Variants in PCM1 observed in about 807,000 individuals in gnomAD.
PCM1 encodes the protein pericentriolar material 1.
PCM1 carries 157 observed loss-of-function variants against 241.9 expected under a neutral mutation model. That is an observed-to-expected ratio of 0.65 (90% CI 0.57 to 0.74). The LOEUF is 0.74. Among genes scored for constraint, PCM1 ranks in the 30% least tolerant of loss-of-function variants. The pLI is 0.00. For synonymous variants in PCM1, 1,085 were observed against 784.9 expected (o/e 1.38, Z -6.39); for missense variants, 3,478 against 2,360.1 (o/e 1.47, Z -9.81).
Position 17,957,718 on chromosome 8 carries a change from A to G in PCM1, c.1983A>G (p.Arg661=), listed in dbSNP as rs755040975. The change falls in exon 13 of 39, where the codon CGA becomes CGG. Residue 661 remains arginine (R), a synonymous_variant. Transcript: ENST00000325083. ...CTGAATTTGAACAGAAGATCAACCG[A>G]CTTATGGCTGCAAAACAGAAACTTA... ...EDAEFEQKIN[R]LMAAKQKLRQ... 6.2e-7 allele frequency: 1 copy of G among 1,613,698 alleles called. No homozygotes were observed. The highest frequency in any genetic ancestry group is 2.2e-5 in the East Asian group (1 of 44,870).
At chr8:17,998,651 C>T (rs935927739) in intron 29 of PCM1, among the ~76,000 whole-genome samples, 4 of 152,162 alleles carry the variant, frequency 2.6e-5, no homozygotes, top group Non-Finnish European at 5.9e-5. Flanking sequence ...TGCCCAAGAC[C>T]CTCTGTAACC....
Position 17,928,654 on chromosome 8 carries a change from C to T in PCM1, c.-23+3874C>T, listed in dbSNP as rs1377688782. On this transcript the variant is annotated intron_variant, in intron 2 of 38. Transcript: ENST00000325083. ...TTTTTTTTTTTTTTTTAAAGTGAGG[C>T]GGAGTTTCTCTCTTGTTGCCCAGGC... Among the ~76,000 whole-genome samples the T allele has an allele frequency of 1.1e-4, 12 of 104,418 alleles. No homozygotes were observed. The Admixed American group carries it at 1.3e-3, about 12-fold the overall frequency. The allele number at this position is 104,418 out of a possible 152,430, so 68.5% of individuals were successfully genotyped here. A position where few individuals can be genotyped will look rare whatever the true frequency, so the allele number is the denominator to read the frequency against.
intron 16 of PCM1, among the ~76,000 whole-genome samples, chr8:17,962,668 A>G (rs572900744): frequency 6.6e-6 from 1 of 152,212 alleles, no homozygotes; most frequent in African/African-American, 2.4e-5. Flanking sequence ...TGGGAGGCTG[A>G]GGTGGGCAGA....
intron 23 of PCM1, among the ~76,000 whole-genome samples, chr8:17,975,418 C>T (rs2078400010): frequency 6.6e-6 from 1 of 152,120 alleles, no homozygotes; most frequent in South Asian, 2.1e-4. Context: ...CCCCATTGGC[C>T]TCCGGAAGTG....
chr8:18,018,826 G>GTGTA lies in PCM1; in HGVS notation c.5841+3987_5841+3988insGTAT, dbSNP rs1554778162. ...TTCCGTCTCAAAAAAAAAAAAATATGTATATATATATATGTGTGTGTGTGT... is the reference window on the plus strand; with the variant it reads ...TTCCGTCTCAAAAAAAAAAAAATATGTGTATATATATATATATGTGTGTGTGTGT... On this transcript the variant is annotated intron_variant, in intron 36 of 38. Coordinates refer to ENST00000325083, the MANE Select transcript of PCM1 (RefSeq NM_006197.4). Among the ~76,000 whole-genome samples the GTGTA allele has an allele frequency of 1.5e-3, 133 of 90,836 alleles. 1 individual carries two copies. The highest frequency in any genetic ancestry group is 4.8e-3 in the African/African-American group (107 of 22,172). 59.6% of individuals were successfully genotyped at this position (90,836 alleles called of 152,430 possible).
intron 6 of PCM1, among the ~76,000 whole-genome samples, chr8:17,943,375 C>G (rs140642069): frequency 6.6e-6 from 1 of 152,092 alleles, no homozygotes; most frequent in South Asian, 2.1e-4. Flanking sequence ...AATAAAGTAG[C>G]TGATTATTTT....
At chr8:17,966,782 G>GAAGT (rs1198475610) in intron 20 of PCM1, among the ~76,000 whole-genome samples, 198 bp from the exon 21 acceptor site, 2 of 152,246 alleles carry the variant, frequency 1.3e-5, no homozygotes, top group Non-Finnish European at 2.9e-5. Flanking sequence ...CTGTCGGACA[G>GAAGT]AAGTACTAAG....
chr8:17,978,858 T>G (rs2079671858), intron 23 of PCM1, among the ~76,000 whole-genome samples: 1 of 152,196 alleles, frequency 6.6e-6, no homozygotes, highest in East Asian at 1.9e-4. Context: ...CTATCAACAC[T>G]AGAGTTTATT....
At position 17,965,979 on chromosome 8, in the gene PCM1, T is replaced by G. The variant is rs757960152; in HGVS notation, c.2856-20T>G. ...CAAATTATTATGTATGATGACTTAATGCTTTCAATCTTGTGTTAGGTGGAA... is the reference window on the plus strand; with the variant it reads ...CAAATTATTATGTATGATGACTTAAGGCTTTCAATCTTGTGTTAGGTGGAA... On this transcript the variant is annotated intron_variant, in intron 18 of 38. Transcript: ENST00000325083. 3.8e-6 allele frequency: 6 copies of G among 1,577,628 alleles called. No homozygotes were observed. In the African/African-American group the frequency reaches 8.1e-5, roughly 21 times the overall value.
intron 6 of PCM1, chr8:17,940,134 G>T: frequency 1.3e-6 from 2 of 1,555,458 alleles, no homozygotes; most frequent in South Asian, 1.2e-5. Context: ...ACATAGATGT[G>T]CAGTCTGAGG....
intron 32 of PCM1, 88 bp from the exon 33 acceptor site, chr8:18,011,149 A>C: frequency 1.2e-6 from 1 of 805,474 alleles, no homozygotes; most frequent in Non-Finnish European, 1.8e-6. Flanking sequence ...TTTATTAGAT[A>C]ATGATCATTA....
chr8:17,970,332 T>A (rs940262100), intron 22 of PCM1, among the ~76,000 whole-genome samples: 1 of 152,096 alleles, frequency 6.6e-6, no homozygotes, highest in African/African-American at 2.4e-5. Flanking sequence ...AAAATATATA[T>A]AATTCACATT....
At chr8:17,941,466 T>C (rs1475225058) in intron 6 of PCM1, among the ~76,000 whole-genome samples, 1 of 151,956 alleles carries the variant, frequency 6.6e-6, no homozygotes, top group African/African-American at 2.4e-5. Context: ...CAGTCTAGTC[T>C]ACAGAAAACT....
chr8:17,936,240 T>C (rs565662281), intron 3 of PCM1, among the ~76,000 whole-genome samples: 22 of 152,260 alleles, frequency 1.4e-4, no homozygotes, highest in African/African-American at 4.8e-4. Flanking sequence ...CTTTTTTCAG[T>C]CTTCTGTGGC....
chr8:17,969,410 C>G (rs2076123317), intron 21 of PCM1, 167 bp from the exon 22 acceptor site: 1 of 569,164 alleles, frequency 1.8e-6, no homozygotes, highest in South Asian at 2.3e-5. Flanking sequence ...ACATAGTGGC[C>G]TAAGCTGTGA....
At chr8:17,993,690 T>A in intron 29 of PCM1, 71 bp downstream of exon 29, 1 of 1,347,086 alleles carries the variant, frequency 7.4e-7, no homozygotes, top group Non-Finnish European at 1.0e-6. Flanking sequence ...GAAGACCTTA[T>A]TGTGATAAAG....
In PCM1 at chr8:17,985,591, T is replaced by A; in HGVS notation, c.4253T>A (p.Leu1418Ter). ...HELQLLNTDY[L>*]RQRALYALQD... ...CTGCAGCTACTAAACACAGACTACTTGAGACAGAGGGCTTTATATGCATTG... is the reference window on the plus strand; with the variant it reads ...CTGCAGCTACTAAACACAGACTACTAGAGACAGAGGGCTTTATATGCATTG... The change falls in exon 25 of 39, where the codon TTG becomes TAG. Residue 1418 changes from leucine (L) to a stop codon, truncating the protein, a stop_gained. Transcript: ENST00000325083. LOFTEE classifies it high-confidence loss of function. 1 of 1,607,820 alleles carries A rather than the reference T, an allele frequency of 6.2e-7. No individual in the cohort carries two copies. Among genetic ancestry groups the A allele is most frequent in the Non-Finnish European group, 8.5e-7 (1 of 1,176,610 alleles).
At chr8:17,952,843 T>TA in intron 8 of PCM1, 127 bp from the exon 9 acceptor site, 1 of 629,346 alleles carries the variant, frequency 1.6e-6, no homozygotes, top group Non-Finnish European at 2.7e-6. Context: ...GGTATATACT[T>TA]ACCTACCAGC....
chr8:17,986,175 G>C, intron 26 of PCM1, 88 bp downstream of exon 26: 2 of 898,924 alleles, frequency 2.2e-6, no homozygotes, highest in South Asian at 5.5e-5. Context: ...ATTGTAGGTA[G>C]ACCTAATATA....
Sources: allele counts gnomAD v4.1 joint callset (sites outside exome capture counted in the v4.1 genomes callset), GRCh38; gene constraint gnomAD v4.1.1; transcripts MANE v1.5; gene names NCBI Gene and HGNC (gene_info 2026-07-23, HGNC 2026-07-21).